Variants in SLC35D4 observed in about 807,000 individuals in gnomAD.
SLC35D4 encodes UDP-N-acetylglucosamine transporter SLC35D4.
the SLC35D4 span, among the ~76,000 whole-genome samples, chr18:23,304,595 T>G: frequency 6.6e-6 from 1 of 151,840 alleles, no homozygotes; most frequent in South Asian, 2.1e-4. Flanking sequence ...CATGTACACA[T>G]ATACATATCT....
chr18:23,370,119 C>A, the SLC35D4 span: 16 of 1,023,796 alleles, frequency 1.6e-5, no homozygotes, highest in East Asian at 2.8e-5. Context: ...GTGGAGGGTG[C>A]GGTGAGCTGA....
At chr18:23,294,279 AAAT>A in the SLC35D4 span, among the ~76,000 whole-genome samples, 1 of 152,188 alleles carries the variant, frequency 6.6e-6, no homozygotes, top group Non-Finnish European at 1.5e-5. Context: ...ATCCAAGGGT[AAAT>A]AAAGGGAGAG....
the SLC35D4 span, among the ~76,000 whole-genome samples, chr18:23,269,956 A>G: frequency 6.6e-6 from 1 of 152,204 alleles, no homozygotes; most frequent in Non-Finnish European, 1.5e-5. Context: ...AGAAAACCCC[A>G]TTTTCTGGAG....
At chr18:23,333,919 A>G in the SLC35D4 span, among the ~76,000 whole-genome samples, 112,124 of 152,074 alleles carry the variant, frequency 0.74, 41,865 homozygotes, top group Middle Eastern at 0.85. Context: ...TACTGTAAAA[A>G]TCACCAACTC....
chr18:23,389,046 G>C, the SLC35D4 span, among the ~76,000 whole-genome samples: 27 of 145,270 alleles, frequency 1.9e-4, no homozygotes, highest in African/African-American at 7.1e-4. Flanking sequence ...CCAGAGTGCA[G>C]TGGCGCCATC....
At chr18:23,260,363 C>G in the SLC35D4 span, 1 of 152,394 alleles carries the variant, frequency 6.6e-6, no homozygotes, top group African/African-American at 2.4e-5. Context: ...CCACTCTGTA[C>G]CACGTGCCCT....
At chr18:23,275,643 T>TGCGGTGCGGTGCGGTGCG in the SLC35D4 span, among the ~76,000 whole-genome samples, 1 of 145,294 alleles carries the variant, frequency 6.9e-6, no homozygotes, top group South Asian at 2.1e-4. Flanking sequence ...TGTGCTGTGC[T>TGCGGTGCGGTGCGGTGCG]GTGCTGTGCT....
the SLC35D4 span, among the ~76,000 whole-genome samples, chr18:23,336,009 T>C: frequency 1.3e-5 from 2 of 151,766 alleles, no homozygotes; most frequent in Non-Finnish European, 2.9e-5. Flanking sequence ...ACACAGAAGA[T>C]TGTGATGATC....
At chr18:23,374,175 G>A in the SLC35D4 span, among the ~76,000 whole-genome samples, 27 of 152,238 alleles carry the variant, frequency 1.8e-4, no homozygotes, top group Admixed American at 5.2e-4. Flanking sequence ...AAAACACTAC[G>A]GAAATTGCAT....
At chr18:23,253,146 T>G in the SLC35D4 span, 1 of 787,094 alleles carries the variant, frequency 1.3e-6, no homozygotes, top group Non-Finnish European at 2.2e-6. Flanking sequence ...ATCTGTCCAG[T>G]GGTCCTTCCT....
chr18:23,413,191 C>G, the SLC35D4 span, among the ~76,000 whole-genome samples: 1 of 152,190 alleles, frequency 6.6e-6, no homozygotes, highest in African/African-American at 2.4e-5. Flanking sequence ...TCTCAAGGCA[C>G]TTTCATCACT....
At chr18:23,262,244 G>A in the SLC35D4 span, among the ~76,000 whole-genome samples, 2 of 152,226 alleles carry the variant, frequency 1.3e-5, no homozygotes, top group South Asian at 2.1e-4. Context: ...CCAAAAAGAT[G>A]TAAACTGGAC....
the SLC35D4 span, chr18:23,254,023 C>A: frequency 8.9e-7 from 1 of 1,123,974 alleles, no homozygotes; most frequent in Non-Finnish European, 1.3e-6. Flanking sequence ...GTGACCCTGC[C>A]TGGAAGGATT....
At chr18:23,262,270 A>C in the SLC35D4 span, among the ~76,000 whole-genome samples, 1 of 152,224 alleles carries the variant, frequency 6.6e-6, no homozygotes, top group Non-Finnish European at 1.5e-5. Flanking sequence ...AACAGCTAAC[A>C]TATTGGTCCC....
At chr18:23,421,572 C>T in the SLC35D4 span, 1 of 736,276 alleles carries the variant, frequency 1.4e-6, no homozygotes, top group African/African-American at 1.7e-5. Context: ...TTTTCTCCTA[C>T]TCTCTCCCAA....
chr18:23,397,198 A>G, the SLC35D4 span, among the ~76,000 whole-genome samples: 12 of 152,326 alleles, frequency 7.9e-5, no homozygotes, highest in East Asian at 1.9e-3. Context: ...TAGGCCTCCA[A>G]GTGTCTCCAA....
chr18:23,414,302 G>GAAGGAAGA, the SLC35D4 span, among the ~76,000 whole-genome samples: 1 of 139,422 alleles, frequency 7.2e-6, no homozygotes, highest in Non-Finnish European at 1.6e-5. Flanking sequence ...AAGGAGGAAG[G>GAAGGAAGA]AAGGAAGGAA....
At chr18:23,269,615 A>C in the SLC35D4 span, among the ~76,000 whole-genome samples, 1 of 152,228 alleles carries the variant, frequency 6.6e-6, no homozygotes, top group Admixed American at 6.5e-5. Context: ...AGGGCTCAGA[A>C]GAAGACAGGA....
At chr18:23,409,995 G>A in the SLC35D4 span, among the ~76,000 whole-genome samples, 1 of 152,156 alleles carries the variant, frequency 6.6e-6, no homozygotes, top group Non-Finnish European at 1.5e-5. Context: ...TATATGGGAT[G>A]ACATGTGTAG....
Sources: gnomAD v4.1 joint callset for allele counts (sites outside exome capture counted in the v4.1 genomes callset) on GRCh38, gnomAD v4.1.1 for gene constraint, MANE v1.5 for transcripts, NCBI Gene and HGNC (gene_info 2026-07-23, HGNC 2026-07-21) for gene names.